The following SLC25A13 variants were observed in gnomAD, a reference collection of about 807,000 sequenced individuals.
The protein encoded by SLC25A13 is electrogenic aspartate/glutamate antiporter SLC25A13, mitochondrial.
Under a neutral mutation model 85.5 loss-of-function variants are expected in SLC25A13, and 70 were observed. The ratio of observed to expected loss-of-function variants is 0.82; its 90% CI spans 0.68 to 1.00. The LOEUF is 1.00. Among genes scored for constraint, SLC25A13 ranks in the 50% least tolerant of loss-of-function variants. The pLI, the probability that SLC25A13 is intolerant of heterozygous loss-of-function variation, is 0.00. For missense variants in SLC25A13, 765 were observed against 819.8 expected (o/e 0.93, Z 0.82); for synonymous variants, 259 against 288.7 (o/e 0.90, Z 1.04).
At chr7:96,210,675 GC>G (rs976432857) in intron 4 of SLC25A13, among the ~76,000 whole-genome samples, 2 of 151,912 alleles carry the variant, frequency 1.3e-5, no homozygotes, top group African/African-American at 4.8e-5. Flanking sequence ...TAGGAAGCAG[GC>G]CCAATAAAGT....
At chr7:96,243,263 C>A (rs1336109679) in intron 3 of SLC25A13, among the ~76,000 whole-genome samples, 1 of 152,160 alleles carries the variant, frequency 6.6e-6, no homozygotes, top group Admixed American at 6.5e-5. Flanking sequence ...ACCACACCGG[C>A]CCCAGAGTCT....
intron 11 of SLC25A13, among the ~76,000 whole-genome samples, chr7:96,184,027 T>C (rs1191193438): frequency 6.6e-6 from 1 of 152,186 alleles, no homozygotes; most frequent in African/African-American, 2.4e-5. Context: ...GGAAGATGCT[T>C]ATAAAAATAA....
intron 5 of SLC25A13, among the ~76,000 whole-genome samples, chr7:96,203,987 T>A (rs1349731876): frequency 6.6e-6 from 1 of 152,192 alleles, no homozygotes; most frequent in East Asian, 1.9e-4. Flanking sequence ...TATTCTTGAA[T>A]TTGTCACACA....
chr7:96,234,901 C>A lies in SLC25A13; in HGVS notation c.229G>T (p.Glu77Ter), dbSNP rs1254503252. Reference sequence around the variant, plus strand: ...AGGACAGATTCAAAGGCAACAAATTCTTGAAAAGATATTAATCTGCAACAT... The same window carrying A: ...AGGACAGATTCAAAGGCAACAAATTATTGAAAAGATATTAATCTGCAACAT... The part of the protein sequence containing the change: ...QTKDGLISFQ[E>*]FVAFESVLCA... Residue 77 changes from glutamate to a stop codon, truncating the protein, a stop_gained, in exon 4 of 18, where the codon GAA (glutamate) becomes TAA (stop). Transcript: ENST00000265631. LOFTEE classifies it high-confidence loss of function. 4 of 1,613,392 alleles carry A rather than the reference C, an allele frequency of 2.5e-6. No homozygotes were observed. Among genetic ancestry groups the A allele is most frequent in the Non-Finnish European group, 3.4e-6 (4 of 1,179,546 alleles).
At chr7:96,161,273 T>C (rs1391692812) in intron 13 of SLC25A13, among the ~76,000 whole-genome samples, 1 of 152,222 alleles carries the variant, frequency 6.6e-6, no homozygotes, top group East Asian at 1.9e-4. Context: ...GATCATGGAA[T>C]ACTTTCTTGT....
intron 15 of SLC25A13, among the ~76,000 whole-genome samples, chr7:96,131,190 G>A (rs1792015426): frequency 6.6e-6 from 1 of 152,074 alleles, no homozygotes; most frequent in Non-Finnish European, 1.5e-5. Context: ...TTCTATCGAT[G>A]TTTTCAATGG....
chr7:96,190,563 A>G (rs1584432690), intron 7 of SLC25A13, among the ~76,000 whole-genome samples: 2 of 152,148 alleles, frequency 1.3e-5, no homozygotes, highest in Non-Finnish European at 2.9e-5. Flanking sequence ...ATATTTAAGA[A>G]ACTTTACATG....
At chr7:96,187,554 C>T (rs1794685834) in intron 9 of SLC25A13, among the ~76,000 whole-genome samples, 1 of 151,946 alleles carries the variant, frequency 6.6e-6, no homozygotes, top group Non-Finnish European at 1.5e-5. Context: ...TATAAATATG[C>T]AATACTTAGA....
chr7:96,229,645 C>A (rs771667956), intron 4 of SLC25A13, among the ~76,000 whole-genome samples: 3 of 152,144 alleles, frequency 2.0e-5, no homozygotes, highest in African/African-American at 7.2e-5. Flanking sequence ...AGCGACACCA[C>A]GAACCCACCG....
chr7:96,158,148 C>T (rs1249256926), intron 13 of SLC25A13, among the ~76,000 whole-genome samples: 1 of 152,192 alleles, frequency 6.6e-6, no homozygotes, highest in African/African-American at 2.4e-5. Context: ...CAAAACAAGG[C>T]TTTCTCCAAT....
At chr7:96,210,458 G>A (rs1795649294) in intron 4 of SLC25A13, among the ~76,000 whole-genome samples, 1 of 152,192 alleles carries the variant, frequency 6.6e-6, no homozygotes, top group Non-Finnish European at 1.5e-5. Flanking sequence ...AGATTTCTGA[G>A]AAGAAATCAC....
chr7:96,244,896 T>C (rs1797127056), intron 3 of SLC25A13, among the ~76,000 whole-genome samples: 1 of 152,214 alleles, frequency 6.6e-6, no homozygotes, highest in Non-Finnish European at 1.5e-5. Context: ...TGTATCGTTA[T>C]CACAAATTTG....
intron 4 of SLC25A13, among the ~76,000 whole-genome samples, chr7:96,212,570 C>T (rs1795741065): frequency 6.6e-6 from 1 of 152,068 alleles, no homozygotes; most frequent in Non-Finnish European, 1.5e-5. Context: ...TAAGAGGGAC[C>T]TTTGAGGGAG....
At chr7:96,270,897 G>A (rs956759133) in intron 3 of SLC25A13, among the ~76,000 whole-genome samples, 2 of 152,052 alleles carry the variant, frequency 1.3e-5, no homozygotes, top group African/African-American at 4.8e-5. Context: ...GGCATTCCTC[G>A]GTTTATGGCT....
intron 5 of SLC25A13, among the ~76,000 whole-genome samples, chr7:96,208,003 T>C (rs992003727): frequency 6.6e-6 from 1 of 152,096 alleles, no homozygotes; most frequent in African/African-American, 2.4e-5. Flanking sequence ...ATCTAATCTC[T>C]AGAGGTGGGA....
At chr7:96,268,724 G>A (rs1284998530) in intron 3 of SLC25A13, among the ~76,000 whole-genome samples, 1 of 152,138 alleles carries the variant, frequency 6.6e-6, no homozygotes, top group Non-Finnish European at 1.5e-5. Flanking sequence ...GCACTCTCAA[G>A]ATAAAGAACC....
At chr7:96,274,194 T>C (rs1798354214) in intron 3 of SLC25A13, among the ~76,000 whole-genome samples, 1 of 151,842 alleles carries the variant, frequency 6.6e-6, no homozygotes, top group Admixed American at 6.6e-5. Context: ...CAGGAGGTTC[T>C]TTCCATTAAA....
chr7:96,293,715 CA>C, intron 2 of SLC25A13, among the ~76,000 whole-genome samples: 1 of 152,282 alleles, frequency 6.6e-6, no homozygotes, highest in Admixed American at 6.5e-5. Context: ...AAATGCAAAT[CA>C]AAACCACAGT....
intron 13 of SLC25A13, among the ~76,000 whole-genome samples, chr7:96,147,212 C>T (rs568149971): frequency 3.3e-5 from 5 of 152,240 alleles, no homozygotes; most frequent in East Asian, 3.9e-4. Context: ...CCAGCGAACA[C>T]GTAAACTTAG....
Sources: allele counts gnomAD v4.1 joint callset (sites outside exome capture counted in the v4.1 genomes callset), GRCh38; gene constraint gnomAD v4.1.1; transcripts MANE v1.5; gene names NCBI Gene and HGNC (gene_info 2026-07-23, HGNC 2026-07-21).